SLC22A11: variants seen among roughly 807,000 people sequenced by gnomAD.
The protein encoded by SLC22A11 is solute carrier family 22 member 11, also known as organic anion transporter 4.
A neutral mutation model predicts 49.4 loss-of-function variants in SLC22A11; 42 were observed. The ratio of observed to expected loss-of-function variants is 0.85; its 90% CI spans 0.66 to 1.10. The LOEUF (loss-of-function observed/expected upper bound fraction) is 1.10, where lower values mean the gene tolerates loss of function less well. Ranked by LOEUF, SLC22A11 falls within the 50% of genes least tolerant of loss-of-function variation. SLC22A11 has a pLI of 0.00. For missense variants in SLC22A11, 685 were observed against 731.6 expected (o/e 0.94, Z 0.74); for synonymous variants, 304 against 315.8 (o/e 0.96, Z 0.40).
rs1477559859 is a variant in SLC22A11 at position 64,562,305 on chromosome 11, A to T, written c.691A>T (p.Met231Leu). 1.2e-6 allele frequency: 2 copies of T among 1,610,274 alleles called. No individual in the cohort carries two copies. Among genetic ancestry groups the T allele is most frequent in the Middle Eastern group, 1.7e-4 (1 of 6,052 alleles). The stretch of plus-strand genomic sequence containing the variant: ...CACGACCAGCAGGAGGGCGGTCACC[A>T]TGACGGTGGTGGGATGTGCCTTCAG... The part of the protein sequence containing the change: ...WTTTSRRAVT[M>L]TVVGCAFSAG... The change falls in exon 4 of 10, where the codon ATG (methionine) becomes TTG (leucine). Residue 231 changes from methionine to leucine, a missense_variant. Coordinates refer to ENST00000301891, the MANE Select transcript of SLC22A11 (RefSeq NM_018484.4). This position sits in a 1 kb window ranked among gnomAD's most constrained non-coding sequence, Gnocchi z 4.4.
At chr11:64,563,915 C>CAA (rs369603411) in intron 4 of SLC22A11, among the ~76,000 whole-genome samples, 1 of 144,050 alleles carries the variant, frequency 6.9e-6, no homozygotes, top group Non-Finnish European at 1.5e-5. Flanking sequence ...GACTCCATCT[C>CAA]AAAAAAAAAA....
At position 64,564,608 on chromosome 11, in the gene SLC22A11, C is replaced by A. The variant is rs1037521787; in HGVS notation, c.942+180C>A. Among the ~76,000 whole-genome samples, 1 of 151,824 alleles carries A rather than the reference C, an allele frequency of 6.6e-6. No homozygotes were observed. Among genetic ancestry groups the A allele is most frequent in the Admixed American group, 6.6e-5 (1 of 15,254 alleles). ...CTCCACACAGACACCACCACCACCA[C>A]CACCAATCCCGATACCATCACCAAC... is the stretch of plus-strand genomic sequence containing the variant. On this transcript the variant is annotated intron_variant, in intron 5 of 9. Coordinates refer to ENST00000301891, the MANE Select transcript of SLC22A11 (RefSeq NM_018484.4). The surrounding 1 kb of genome is among the most constrained non-coding windows in gnomAD (Gnocchi z 4.2).
In SLC22A11 at chr11:64,564,409, C is replaced by T. The variant is rs1565122454; in HGVS notation, c.923C>T (p.Ala308Val). The T allele has an allele frequency of 6.2e-6, 10 of 1,614,102 alleles. No homozygotes were observed. Among genetic ancestry groups the T allele is most frequent in the Non-Finnish European group, 8.5e-6 (10 of 1,180,000 alleles). ...GCCAGGATAAATGGCCACAAGGAGGCCAAGAACCTGACCATAGAGGTGAGA... is the reference window on the plus strand; with the variant it reads ...GCCAGGATAAATGGCCACAAGGAGGTCAAGAACCTGACCATAGAGGTGAGA... ...KVARINGHKE[A>V]KNLTIEVLMS... Residue 308 changes from alanine (A) to valine (V), a missense_variant, in exon 5 of 10, where the codon GCC becomes GTC. Coordinates refer to ENST00000301891, the MANE Select transcript of SLC22A11 (RefSeq NM_018484.4). The surrounding 1 kb of genome is among the most constrained non-coding windows in gnomAD (Gnocchi z 4.2).
Position 64,567,743 on chromosome 11 carries a change from C to T in SLC22A11, c.1203C>T (p.Arg401=). ...CCCTCTTGCTCAGTTTCCTTGGCCGCCGCACCATCCAGGCGGGTTCCCAGG... is the reference window on the plus strand; with the variant it reads ...CCCTCTTGCTCAGTTTCCTTGGCCGTCGCACCATCCAGGCGGGTTCCCAGG... ...TTALLLSFLG[R]RTIQAGSQAM... Residue 401 remains arginine, a synonymous_variant, in exon 7 of 10, where the codon CGC becomes CGT. Coordinates refer to ENST00000301891, the MANE Select transcript of SLC22A11 (RefSeq NM_018484.4). The T allele has an allele frequency of 1.2e-6, 2 of 1,613,300 alleles. No homozygotes were observed. The highest frequency in any genetic ancestry group is 1.7e-6 in the Non-Finnish European group (2 of 1,179,932).
rs972082847 is a variant in SLC22A11, at chr11:64,572,296, A to G, written c.*1254A>G. The G allele has an allele frequency of 1.3e-5, 2 of 152,332 alleles. No homozygotes were observed. Among genetic ancestry groups the G allele is most frequent in the African/African-American group, 4.8e-5 (2 of 41,466 alleles). 9.4% of individuals were successfully genotyped at this position (152,332 alleles called of 1,614,324 possible). ...GCCCATCTCAGATGGGCAAGGAAGC[A>G]AAAGTGCAGAGTGGTGGAGGGGCCA... is the stretch of plus-strand genomic sequence containing the variant. On this transcript the variant is annotated 3_prime_UTR_variant, in exon 10 of 10. Coordinates refer to ENST00000301891, the MANE Select transcript of SLC22A11 (RefSeq NM_018484.4).
intron 2 of SLC22A11, among the ~76,000 whole-genome samples, chr11:64,561,782 T>A (rs559565854): frequency 6.6e-6 from 1 of 152,092 alleles, no homozygotes; most frequent in East Asian, 1.9e-4. Flanking sequence ...CCAAACCCCA[T>A]GTTCTTAAAC....
At position 64,568,775 on chromosome 11, in the gene SLC22A11, TGCGGTAA is replaced by T; in HGVS notation, c.1382_1382+6del. The T allele has an allele frequency of 6.2e-7, 1 of 1,613,196 alleles. No homozygotes were observed. The highest frequency in any genetic ancestry group is 8.5e-7 in the Non-Finnish European group (1 of 1,179,354). On this transcript the variant is annotated splice_donor_variant and splice_donor_region_variant and coding_sequence_variant and intron_variant, in exon 8 of 10. Coordinates refer to ENST00000301891, the MANE Select transcript of SLC22A11 (RefSeq NM_018484.4). LOFTEE classifies it high-confidence loss of function. ...AAGGCTGAACTCTTTCCAACGCCAG[TGCGGTAA>T]GCTGGGCTGCAGGCCATGCCCCAGG...
Position 64,571,054 on chromosome 11 carries a change from G to A in SLC22A11, c.*12G>A. 4 of 1,614,132 alleles carry A rather than the reference G, an allele frequency of 2.5e-6. No homozygotes were observed. Among genetic ancestry groups the A allele is most frequent in the Non-Finnish European group, 3.4e-6 (4 of 1,179,950 alleles). On this transcript the variant is annotated 3_prime_UTR_variant, in exon 10 of 10. Coordinates refer to ENST00000301891, the MANE Select transcript of SLC22A11 (RefSeq NM_018484.4). ...GTACCTCGCTCTAGAAATTGTGCCT[G>A]CATGGAGCCCCTTTAGTCAAAGACT...
At position 64,562,232 on chromosome 11, in the gene SLC22A11, A is replaced by C; in HGVS notation, c.653-35A>C. 2 of 1,600,578 alleles carry C rather than the reference A, an allele frequency of 1.2e-6. No individual in the cohort carries two copies. Among genetic ancestry groups the C allele is most frequent in the Non-Finnish European group, 1.7e-6 (2 of 1,171,152 alleles). On this transcript the variant is annotated intron_variant, in intron 3 of 9. Transcript: ENST00000301891. The surrounding 1 kb of genome is among the most constrained non-coding windows in gnomAD (Gnocchi z 4.4). ...GAGAGAATGGGGCTCAGGCCGCCGC[A>C]TGAGGCCTCACCTGCACGTGTCTGC... is the stretch of plus-strand genomic sequence containing the variant.
chr11:64,565,389 C>CCG lies in SLC22A11; in HGVS notation c.1058+52_1058+53insCG, dbSNP rs2038610504. The CCG allele has an allele frequency of 1.2e-5, 18 of 1,466,404 alleles. No homozygotes were observed. The highest frequency in any genetic ancestry group is 1.7e-5 in the Non-Finnish European group (18 of 1,079,666). 90.8% of individuals were successfully genotyped at this position (1,466,404 alleles called of 1,614,324 possible). A position where few individuals can be genotyped will look rare whatever the true frequency, so the allele number is the denominator to read the frequency against. ...AGGCAGGGCTGGGACAGGCAGGAGG[C>CCG]AGAGCTGGGACAGGCAGGAGGCAGA... is the stretch of plus-strand genomic sequence containing the variant. On this transcript the variant is annotated intron_variant, in intron 6 of 9. Coordinates refer to ENST00000301891, the MANE Select transcript of SLC22A11 (RefSeq NM_018484.4). This position sits in a 1 kb window ranked among gnomAD's most constrained non-coding sequence, Gnocchi z 4.1.
At chr11:64,560,115 C>A (rs1025806239) in intron 2 of SLC22A11, among the ~76,000 whole-genome samples, 4 of 151,244 alleles carry the variant, frequency 2.6e-5, no homozygotes, top group African/African-American at 7.3e-5. Context: ...AGACCCCCAA[C>A]CTGTGGGACC....
At position 64,564,537 on chromosome 11, in the gene SLC22A11, C is replaced by T. The variant is rs111484134; in HGVS notation, c.942+109C>T. The stretch of plus-strand genomic sequence containing the variant: ...CACTCCAGCACCACCTCCACCAGCA[C>T]CACCACCAGCATCTCCACAGACACC... On this transcript the variant is annotated intron_variant, in intron 5 of 9. Transcript: ENST00000301891. This position sits in a 1 kb window ranked among gnomAD's most constrained non-coding sequence, Gnocchi z 4.2. 125 of 1,352,752 alleles carry T rather than the reference C, an allele frequency of 9.2e-5. No individual in the cohort carries two copies. The African/African-American group carries it at 1.7e-3, about 18-fold the overall frequency. 83.8% of individuals were successfully genotyped at this position (1,352,752 alleles called of 1,614,324 possible).
Position 64,569,811 on chromosome 11 carries a change from G to T in SLC22A11, c.1542G>T (p.Glu514Asp), listed in dbSNP as rs1250176591. The T allele has an allele frequency of 2.5e-6, 4 of 1,613,848 alleles. No individual in the cohort carries two copies. Among genetic ancestry groups the T allele is most frequent in the African/African-American group, 2.7e-5 (2 of 74,906 alleles). ...SSLVVLFFLPETQGLPLPDTI... is the reference protein window; with the variant it reads ...SSLVVLFFLPDTQGLPLPDTI... Reference sequence around the variant, plus strand: ...TGGTTGTGCTGTTCTTCCTCCCGGAGACCCAGGGACTTCCGCTCCCTGACA... The same window carrying T: ...TGGTTGTGCTGTTCTTCCTCCCGGATACCCAGGGACTTCCGCTCCCTGACA... The change falls in exon 9 of 10, where the codon GAG (glutamate) becomes GAT (aspartate). Residue 514 changes from glutamate to aspartate, a missense_variant. Glu to Asp is a conservative substitution (Grantham distance 45). Transcript: ENST00000301891.
intron 7 of SLC22A11, 53 bp downstream of exon 7, chr11:64,567,866 C>T (rs2038650471): frequency 1.3e-6 from 2 of 1,523,798 alleles, no homozygotes; most frequent in Non-Finnish European, 1.8e-6. Flanking sequence ...CCGCCCACCC[C>T]ACTGCTCTGA....
At position 64,571,084 on chromosome 11, in the gene SLC22A11, G is replaced by C. The variant is rs559236286; in HGVS notation, c.*42G>C. 12 of 1,600,972 alleles carry C rather than the reference G, an allele frequency of 7.5e-6. No individual in the cohort carries two copies. The highest frequency in any genetic ancestry group is 1.0e-5 in the Non-Finnish European group (12 of 1,168,104). ...GAGCCCCTTTAGTCAAAGACTCCTG[G>C]AAAGGAGTTGCCTCTTCTCCAATCA... On this transcript the variant is annotated 3_prime_UTR_variant, in exon 10 of 10. Coordinates refer to ENST00000301891, the MANE Select transcript of SLC22A11 (RefSeq NM_018484.4).
At position 64,556,041 on chromosome 11, in the gene SLC22A11, C is replaced by A. The variant is rs148202226; in HGVS notation, c.42C>A (p.Gly14=). 1 of 1,613,274 alleles carries A rather than the reference C, an allele frequency of 6.2e-7. No individual in the cohort carries two copies. The highest frequency in any genetic ancestry group is 1.3e-5 in the African/African-American group (1 of 75,060). ...SKLLEQAGGV[G]LFQTLQVLTF... is the part of the protein sequence containing the mutation. ...TCTTGGAGCAAGCCGGAGGCGTGGG[C>A]CTCTTCCAGACCCTGCAGGTGCTCA... Residue 14 remains glycine (G), a synonymous_variant, in exon 1 of 10, where the codon GGC becomes GGA. Coordinates refer to ENST00000301891, the MANE Select transcript of SLC22A11 (RefSeq NM_018484.4).
chr11:64,571,132 A>G lies in SLC22A11; in HGVS notation c.*90A>G. 1 of 1,418,702 alleles carries G rather than the reference A, an allele frequency of 7.0e-7. No individual in the cohort carries two copies. 87.9% of individuals were successfully genotyped at this position (1,418,702 alleles called of 1,614,324 possible). On this transcript the variant is annotated 3_prime_UTR_variant, in exon 10 of 10. Transcript: ENST00000301891. ...TCAGAGCGTGGAGGCGAGTTGGGCG[A>G]CTTCAAGGGCCTGGCATGGCAGAGG... is the stretch of plus-strand genomic sequence containing the variant.
At chr11:64,560,978 T>C (rs2038535500) in intron 2 of SLC22A11, among the ~76,000 whole-genome samples, 1 of 152,190 alleles carries the variant, frequency 6.6e-6, no homozygotes, top group Non-Finnish European at 1.5e-5. Context: ...CCCCCAGCAG[T>C]GGGGTCTCGC....
At position 64,569,812 on chromosome 11, in the gene SLC22A11, A is replaced by G. The variant is rs2038680399; in HGVS notation, c.1543A>G (p.Thr515Ala). 1 of 1,613,708 alleles carries G rather than the reference A, an allele frequency of 6.2e-7. No homozygotes were observed. Among genetic ancestry groups the G allele is most frequent in the Non-Finnish European group, 8.5e-7 (1 of 1,179,984 alleles). The change falls in exon 9 of 10, where the codon ACC becomes GCC. Residue 515 changes from threonine to alanine, a missense_variant. By Grantham distance (58) the Thr-to-Ala change is moderately conservative (BLOSUM62 0). Coordinates refer to ENST00000301891, the MANE Select transcript of SLC22A11 (RefSeq NM_018484.4). ...GGTTGTGCTGTTCTTCCTCCCGGAGACCCAGGGACTTCCGCTCCCTGACAC... is the reference window on the plus strand; with the variant it reads ...GGTTGTGCTGTTCTTCCTCCCGGAGGCCCAGGGACTTCCGCTCCCTGACAC... ...SLVVLFFLPE[T>A]QGLPLPDTIQ...
Sources: gnomAD v4.1 joint callset for allele counts (sites outside exome capture counted in the v4.1 genomes callset) on GRCh38, gnomAD v4.1.1 for gene constraint, Gnocchi (gnomAD v3.1) non-coding constraint, MANE v1.5 for transcripts, NCBI Gene and HGNC (gene_info 2026-07-23, HGNC 2026-07-21) for gene names.